Variants in PCDHGA6 observed in about 807,000 individuals in gnomAD.
The protein encoded by PCDHGA6 is protocadherin gamma-A6.
A neutral mutation model predicts 60.6 loss-of-function variants in PCDHGA6; 41 were observed. The ratio of observed to expected loss-of-function variants is 0.68; its 90% CI spans 0.53 to 0.88. The LOEUF (loss-of-function observed/expected upper bound fraction) is 0.88, where lower values mean the gene tolerates loss of function less well. Ranked by LOEUF, PCDHGA6 falls within the 40% of genes least tolerant of loss-of-function variation. PCDHGA6 has a pLI of 0.00. For missense variants in PCDHGA6, 1,312 were observed against 1,203.0 expected, an observed-to-expected ratio of 1.09 and a Z score of -1.34; for synonymous variants, 594 against 524.4, an observed-to-expected ratio of 1.13 and a Z score of -1.81.
intron 1 of PCDHGA6, among the ~76,000 whole-genome samples, chr5:141,386,362 G>A (rs1285554716): frequency 6.6e-6 from 1 of 152,108 alleles, no homozygotes; most frequent in African/African-American, 2.4e-5. Context: ...CTTGATTCCA[G>A]AGACCTTTGA....
At chr5:141,422,281 T>C in intron 1 of PCDHGA6, 1 of 1,557,044 alleles carries the variant, frequency 6.4e-7, no homozygotes, top group Middle Eastern at 1.7e-4. Context: ...AACTATCACC[T>C]CTTCTATTAA....
Position 141,472,217 on chromosome 5 carries a change from C to T in PCDHGA6, c.2425-22590C>T, listed in dbSNP as rs181908144. On this transcript the variant is annotated intron_variant, in intron 1 of 3. Transcript: ENST00000517434. ...CTTTTTGACACTAAGACCTTACTCTCGATCATATAATACATTCACTTTCTA... is the reference window on the plus strand; with the variant it reads ...CTTTTTGACACTAAGACCTTACTCTTGATCATATAATACATTCACTTTCTA... Among the ~76,000 whole-genome samples the T allele has an allele frequency of 3.1e-4, 47 of 152,234 alleles. 1 individual carries two copies. The highest frequency in any genetic ancestry group is 1.1e-3 in the African/African-American group (44 of 41,538).
intron 1 of PCDHGA6, chr5:141,423,700 G>A (rs753612385): frequency 7.5e-7 from 1 of 1,324,816 alleles, no homozygotes; most frequent in Non-Finnish European, 9.8e-7. Context: ...TTGGTGTCTT[G>A]GCACAAGTCT....
intron 2 of PCDHGA6, among the ~76,000 whole-genome samples, chr5:141,501,018 G>A (rs1337771734): frequency 2.0e-5 from 3 of 151,882 alleles, no homozygotes; most frequent in East Asian, 1.9e-4. Context: ...ACAGGCACGC[G>A]CCACCACGCC....
In PCDHGA6 at chr5:141,490,795, C is replaced by A; in HGVS notation, c.2425-4012C>A. The A allele has an allele frequency of 1.3e-5, 21 of 1,614,036 alleles. No homozygotes were observed. Among genetic ancestry groups the A allele is most frequent in the Non-Finnish European group, 1.8e-5 (21 of 1,179,922 alleles). On this transcript the variant is annotated intron_variant, in intron 1 of 3. Coordinates refer to ENST00000517434, the MANE Select transcript of PCDHGA6 (RefSeq NM_018919.3). This position sits in a 1 kb window ranked among gnomAD's most constrained non-coding sequence, Gnocchi z 5.4. ...CCCAGAGGATGGACGGATCTTTGCC[C>A]AGCGTACCTTTGACTATGAATTGCT...
At chr5:141,480,240 C>CA (rs11374694) in intron 1 of PCDHGA6, among the ~76,000 whole-genome samples, 21,591 of 113,808 alleles carry the variant, frequency 0.19, 1,578 homozygotes, top group Admixed American at 0.21. Context: ...CCTGTCTCTA[C>CA]AAAAAAAAAA....
At chr5:141,502,724 C>T (rs1288841230) in intron 2 of PCDHGA6, among the ~76,000 whole-genome samples, 2 of 152,134 alleles carry the variant, frequency 1.3e-5, no homozygotes, top group African/African-American at 4.8e-5. Context: ...GATTACAAAG[C>T]GGTGATGTTC....
intron 1 of PCDHGA6, chr5:141,391,563 A>T (rs545672465): frequency 5.3e-5 from 8 of 152,322 alleles, no homozygotes; most frequent in Admixed American, 2.0e-4. Context: ...TTCCATATGC[A>T]TAAGAAAATA....
At chr5:141,399,066 G>C (rs770799351) in intron 1 of PCDHGA6, 5 of 1,613,726 alleles carry the variant, frequency 3.1e-6, no homozygotes, top group South Asian at 2.2e-5. Context: ...AATATTCAAT[G>C]GTTGTAGAAG....
intron 1 of PCDHGA6, among the ~76,000 whole-genome samples, chr5:141,479,060 T>G (rs980468382): frequency 5.9e-5 from 9 of 152,248 alleles, no homozygotes; most frequent in Non-Finnish European, 1.3e-4. Context: ...CAGATAATTT[T>G]TTATGAATGA....
intron 1 of PCDHGA6, chr5:141,423,110 G>C: frequency 6.2e-7 from 1 of 1,613,842 alleles, no homozygotes; most frequent in Non-Finnish European, 8.5e-7. Context: ...GGCGAGGTGC[G>C]TACAGCGCGG....
intron 1 of PCDHGA6, chr5:141,393,457 C>T (rs780177231): frequency 1.9e-6 from 3 of 1,614,050 alleles, no homozygotes; most frequent in East Asian, 2.2e-5. Flanking sequence ...CTCACGGCCT[C>T]GGATGGCGGC....
chr5:141,441,797 G>A, intron 1 of PCDHGA6: 2 of 386,536 alleles, frequency 5.2e-6, no homozygotes, highest in Non-Finnish European at 1.0e-5. Context: ...ACAACGCACC[G>A]CGGGTGCTGT....
rs1282403944 is a variant in PCDHGA6 at position 141,485,452 on chromosome 5, G to A, written c.2425-9355G>A. ...TCATCAAGAACCCAATCGACCGAGA[G>A]GCACTGTGTGGGCTCAGTGCCAGCT... On this transcript the variant is annotated intron_variant, in intron 1 of 3. Transcript: ENST00000517434. The surrounding 1 kb of genome is among the most constrained non-coding windows in gnomAD (Gnocchi z 5.7). 2.5e-6 allele frequency: 4 copies of A among 1,614,054 alleles called. No individual in the cohort carries two copies. Among genetic ancestry groups the A allele is most frequent in the East Asian group, 4.5e-5 (2 of 44,884 alleles).
At chr5:141,430,140 A>C (rs1295602149) in intron 1 of PCDHGA6, among the ~76,000 whole-genome samples, 1 of 152,202 alleles carries the variant, frequency 6.6e-6, no homozygotes, top group Non-Finnish European at 1.5e-5. Context: ...CCTTCCATTC[A>C]GGATCATTCA....
At chr5:141,394,260 G>A (rs779006100) in intron 1 of PCDHGA6, 2 of 1,613,802 alleles carry the variant, frequency 1.2e-6, no homozygotes, top group African/African-American at 2.7e-5. Flanking sequence ...CGACAGCCAG[G>A]AGAATGCCCA....
At chr5:141,384,819 G>C (rs1251597245) in intron 1 of PCDHGA6, 2 of 1,613,524 alleles carry the variant, frequency 1.2e-6, no homozygotes, top group African/African-American at 1.3e-5. Flanking sequence ...CCCTCAAGCA[G>C]AGCCTCGTGG....
chr5:141,477,737 G>T lies in PCDHGA6; in HGVS notation c.2425-17070G>T, dbSNP rs1178108717. 1.2e-6 allele frequency: 2 copies of T among 1,613,846 alleles called. No homozygotes were observed. Among genetic ancestry groups the T allele is most frequent in the South Asian group, 1.1e-5 (1 of 91,088 alleles). ...ATTTGAATTAACAGCTCATATCAGC[G>T]ATGGGGGCACCCCGGTCCTAGCCAC... On this transcript the variant is annotated intron_variant, in intron 1 of 3. Coordinates refer to ENST00000517434, the MANE Select transcript of PCDHGA6 (RefSeq NM_018919.3). This position sits in a 1 kb window ranked among gnomAD's most constrained non-coding sequence, Gnocchi z 4.9.
rs138608867 is a variant in PCDHGA6 at position 141,477,655 on chromosome 5, T to C, written c.2425-17152T>C. 5.0e-3 allele frequency: 8,034 copies of C among 1,614,186 alleles called. 44 individuals carry two copies. The highest frequency in any genetic ancestry group is 9.4e-3 in the Admixed American group (567 of 60,020). On this transcript the variant is annotated intron_variant, in intron 1 of 3. Coordinates refer to ENST00000517434, the MANE Select transcript of PCDHGA6 (RefSeq NM_018919.3). The surrounding 1 kb of genome is among the most constrained non-coding windows in gnomAD (Gnocchi z 4.9). ...TAGTGGGTCGCTATTTCACAATAAA[T>C]CGTGACAATGGCATAGTGTCATCCT...
Sources: allele counts gnomAD v4.1 joint callset (sites outside exome capture counted in the v4.1 genomes callset), GRCh38; gene constraint gnomAD v4.1.1; non-coding constraint Gnocchi (gnomAD v3.1); transcripts MANE v1.5; gene names NCBI Gene and HGNC (gene_info 2026-07-23, HGNC 2026-07-21).